The following GABRB3 variants were observed in gnomAD, a reference collection of about 807,000 sequenced individuals.
The protein encoded by GABRB3 is gamma-aminobutyric acid receptor subunit beta-3.
Under a neutral mutation model 52.1 loss-of-function variants are expected in GABRB3, and 14 were observed. The observed-to-expected ratio is 0.27, with a 90% CI of 0.18 to 0.42. The LOEUF is 0.42. Among genes scored for constraint, GABRB3 ranks in the 10% least tolerant of loss-of-function variants. The pLI is 1.00. For missense variants in GABRB3, 307 were observed against 609.1 expected (o/e 0.50, Z 5.22); for synonymous variants, 260 against 232.3 (o/e 1.12, Z -1.08).
At chr15:26,647,014 T>G (rs557323356) in intron 3 of GABRB3, among the ~76,000 whole-genome samples, 1 of 152,220 alleles carries the variant, frequency 6.6e-6, no homozygotes, top group African/African-American at 2.4e-5. Flanking sequence ...TGGATAATTT[T>G]TTGTATTTTT....
chr15:26,596,385 A>G (rs1417540781), intron 4 of GABRB3, among the ~76,000 whole-genome samples: 1 of 152,166 alleles, frequency 6.6e-6, no homozygotes, highest in African/African-American at 2.4e-5. Context: ...AATAAAAATG[A>G]CATCTTCCTG....
intron 3 of GABRB3, among the ~76,000 whole-genome samples, chr15:26,706,916 A>G (rs1260124472): frequency 6.6e-6 from 1 of 152,132 alleles, no homozygotes; most frequent in Non-Finnish European, 1.5e-5. Context: ...GTGGAGATGG[A>G]AGTTTGGATA....
intron 3 of GABRB3, among the ~76,000 whole-genome samples, chr15:26,647,458 T>A (rs1395575227): frequency 6.6e-6 from 1 of 152,176 alleles, no homozygotes; most frequent in African/African-American, 2.4e-5. Context: ...GTACTAAGGT[T>A]TTTTTCTGTA....
At chr15:26,554,012 C>A (rs1429979249) in intron 8 of GABRB3, among the ~76,000 whole-genome samples, 2 of 34,542 alleles carry the variant, frequency 5.8e-5, no homozygotes, top group African/African-American at 2.9e-4. Flanking sequence ...GTAGCTGACA[C>A]CTGACTATTT....
chr15:26,563,418 A>C (rs1354281509), intron 7 of GABRB3, among the ~76,000 whole-genome samples: 1 of 152,176 alleles, frequency 6.6e-6, no homozygotes, highest in Non-Finnish European at 1.5e-5. Context: ...TAAGAGGCCA[A>C]TGCATTTACT....
chr15:26,701,774 AAAC>A (rs1824519885), intron 3 of GABRB3, among the ~76,000 whole-genome samples: 1 of 152,216 alleles, frequency 6.6e-6, no homozygotes, highest in African/African-American at 2.4e-5. Flanking sequence ...AGCATAGCCA[AAAC>A]AACATTTTCA....
chr15:26,720,895 G>C (rs1175454358), intron 3 of GABRB3, among the ~76,000 whole-genome samples: 1 of 151,940 alleles, frequency 6.6e-6, no homozygotes, highest in Admixed American at 6.6e-5. Context: ...TATTTTATCA[G>C]AAAAGTGTTA....
At chr15:26,606,777 G>T (rs1191866551) in intron 4 of GABRB3, among the ~76,000 whole-genome samples, 3 of 72,930 alleles carry the variant, frequency 4.1e-5, no homozygotes, top group Admixed American at 1.6e-4. Context: ...TCTATAGATA[G>T]ATAGATATAT....
chr15:26,768,230 G>A (rs763614436), intron 3 of GABRB3, among the ~76,000 whole-genome samples: 8 of 152,068 alleles, frequency 5.3e-5, no homozygotes, highest in Non-Finnish European at 8.8e-5. Flanking sequence ...CTTTCATTAG[G>A]ATTGAGTTAA....
chr15:26,720,794 G>A (rs1889623341), intron 3 of GABRB3, among the ~76,000 whole-genome samples: 2 of 152,190 alleles, frequency 1.3e-5, no homozygotes, highest in Non-Finnish European at 1.5e-5. Flanking sequence ...GTTGAAGGAC[G>A]AACTGCTGAG....
At chr15:26,558,684 T>C (rs1039479855) in intron 8 of GABRB3, among the ~76,000 whole-genome samples, 8 of 151,972 alleles carry the variant, frequency 5.3e-5, no homozygotes, top group African/African-American at 1.7e-4. Context: ...AGGTGGATCA[T>C]CTGAGGTCAG....
intron 3 of GABRB3, among the ~76,000 whole-genome samples, chr15:26,714,718 C>A (rs1022772688): frequency 1.3e-5 from 2 of 152,158 alleles, no homozygotes; most frequent in African/African-American, 2.4e-5. Context: ...TTGACTTTTT[C>A]CCTTTAGCTT....
At chr15:26,725,061 C>T (rs527428695) in intron 3 of GABRB3, among the ~76,000 whole-genome samples, 3 of 152,188 alleles carry the variant, frequency 2.0e-5, no homozygotes, top group Non-Finnish European at 2.9e-5. Context: ...CTTTCTTGAA[C>T]ACAATGCCAT....
rs140316880 is a variant in GABRB3, at chr15:26,716,539, G to T, written c.240+55863C>A. 1.3e-5 allele frequency: 13 copies of T among 965,434 alleles called. No homozygotes were observed. The South Asian group carries it at 6.1e-4, about 45-fold the overall frequency. The allele number at this position is 965,434 out of a possible 1,614,324, so 59.8% of individuals were successfully genotyped here. On this transcript the variant is annotated intron_variant, in intron 3 of 8. Transcript: ENST00000311550. Reference sequence around the variant, plus strand: ...GCAATGTGTGCAAGTTCCCCAAGCAGGTCAAACCCATAAACCGTCTTCACC... The same window carrying T: ...GCAATGTGTGCAAGTTCCCCAAGCATGTCAAACCCATAAACCGTCTTCACC...
In GABRB3 at chr15:26,641,156, C is replaced by A. The variant is rs144213160; in HGVS notation, c.241-19622G>T. The stretch of plus-strand genomic sequence containing the variant: ...GCGAACATCTATGAAGATCCGTAGA[C>A]TCCCATCTCAGCCTCTATAGCACTA... On this transcript the variant is annotated intron_variant, in intron 3 of 8. Transcript: ENST00000311550. 2.0e-5 allele frequency among the ~76,000 whole-genome samples: 3 copies of A among 152,338 alleles called. No homozygotes were observed. In the East Asian group the frequency reaches 5.8e-4, roughly 29 times the overall value.
chr15:26,597,343 T>C (rs771924746), intron 4 of GABRB3, among the ~76,000 whole-genome samples: 9 of 152,192 alleles, frequency 5.9e-5, no homozygotes, highest in African/African-American at 1.7e-4. Context: ...AACTTGGAAA[T>C]AGATTTCTTG....
At chr15:26,741,836 C>G (rs1364080066) in intron 3 of GABRB3, among the ~76,000 whole-genome samples, 1 of 152,148 alleles carries the variant, frequency 6.6e-6, no homozygotes, top group Non-Finnish European at 1.5e-5. Context: ...TCTCAAACTC[C>G]TGGTCTCAAG....
chr15:26,721,787 C>T (rs566963102), intron 3 of GABRB3, among the ~76,000 whole-genome samples: 28 of 152,034 alleles, frequency 1.8e-4, no homozygotes, highest in South Asian at 1.5e-3. Flanking sequence ...TGATGAGACA[C>T]GGCTGCCTGG....
chr15:26,669,235 C>T (rs944932683), intron 3 of GABRB3, among the ~76,000 whole-genome samples: 1 of 152,208 alleles, frequency 6.6e-6, no homozygotes, highest in Admixed American at 6.5e-5. Flanking sequence ...GGAATTTTAT[C>T]TCTTTCGTTT....
Sources: gnomAD v4.1 joint callset for allele counts (sites outside exome capture counted in the v4.1 genomes callset) on GRCh38, gnomAD v4.1.1 for gene constraint, MANE v1.5 for transcripts, NCBI Gene and HGNC (gene_info 2026-07-23, HGNC 2026-07-21) for gene names.